Variants in ABL2 observed in about 807,000 individuals in gnomAD.
ABL2 encodes tyrosine-protein kinase ABL2.
A neutral mutation model predicts 107.7 loss-of-function variants in ABL2; 49 were observed. The ratio of observed to expected loss-of-function variants is 0.45; its 90% CI spans 0.36 to 0.58. ABL2 has a LOEUF of 0.58. Ranked by LOEUF, ABL2 falls within the 20% of genes least tolerant of loss-of-function variation. The pLI is 0.00. For synonymous variants in ABL2, 549 were observed against 548.6 expected (o/e 1.00, Z -0.01); for missense variants, 1,245 against 1,457.0 (o/e 0.85, Z 2.37).
intron 1 of ABL2, among the ~76,000 whole-genome samples, chr1:179,186,383 T>C (rs1162270173): frequency 6.6e-6 from 1 of 152,128 alleles, no homozygotes; most frequent in African/African-American, 2.4e-5. Context: ...TTTTTTGTTG[T>C]TGTTGTTGTT....
At chr1:179,114,243 G>A (rs1452900118) in intron 9 of ABL2, among the ~76,000 whole-genome samples, 2 of 150,966 alleles carry the variant, frequency 1.3e-5, no homozygotes, top group East Asian at 1.9e-4. Context: ...GTGAGAGTCC[G>A]TCTCAAAAAA....
At chr1:179,190,924 T>A (rs925619951) in intron 1 of ABL2, among the ~76,000 whole-genome samples, 1 of 152,122 alleles carries the variant, frequency 6.6e-6, no homozygotes, top group African/African-American at 2.4e-5. Flanking sequence ...GTCCATTATA[T>A]CCAGAATTTA....
chr1:179,175,845 TTC>T (rs1255053256), intron 1 of ABL2, among the ~76,000 whole-genome samples: 42 of 119,424 alleles, frequency 3.5e-4, no homozygotes, highest in Admixed American at 7.3e-4. Context: ...AGACACATTC[TTC>T]TTTTTTTTTT....
intron 1 of ABL2, among the ~76,000 whole-genome samples, chr1:179,169,153 A>G (rs1390427318): frequency 6.6e-6 from 1 of 152,164 alleles, no homozygotes; most frequent in Non-Finnish European, 1.5e-5. Context: ...GAAATGAAAT[A>G]TCAGTGTAAC....
chr1:179,110,458 G>A lies in ABL2; in HGVS notation c.1652-3C>T, dbSNP rs1286523388. 3 of 1,603,398 alleles carry A rather than the reference G, an allele frequency of 1.9e-6. No homozygotes were observed. Among genetic ancestry groups the A allele is most frequent in the Non-Finnish European group, 2.5e-6 (3 of 1,177,374 alleles). On this transcript the variant is annotated splice_polypyrimidine_tract_variant and splice_region_variant and intron_variant, in intron 10 of 11. Coordinates refer to ENST00000502732, the MANE Select transcript of ABL2 (RefSeq NM_007314.4). The stretch of plus-strand genomic sequence containing the variant: ...TCTCCCAAGCTCCTCAGCTACCTCT[G>A]TGAGGAAGACAAGGGGACCAATAAA...
At chr1:179,145,895 A>T (rs1228755395) in intron 1 of ABL2, among the ~76,000 whole-genome samples, 7 of 142,292 alleles carry the variant, frequency 4.9e-5, no homozygotes, top group East Asian at 4.1e-4. Context: ...TCTGATCTCC[A>T]TTTTTTTTTT....
At chr1:179,190,238 T>C (rs1660922170) in intron 1 of ABL2, among the ~76,000 whole-genome samples, 1 of 152,106 alleles carries the variant, frequency 6.6e-6, no homozygotes. Flanking sequence ...TTCTGATTGA[T>C]TGGCAATAAA....
chr1:179,191,218 T>C (rs1660990750), intron 1 of ABL2, among the ~76,000 whole-genome samples: 1 of 152,174 alleles, frequency 6.6e-6, no homozygotes, highest in Non-Finnish European at 1.5e-5. Flanking sequence ...ATATTCTTAC[T>C]ACATCACAAA....
chr1:179,207,347 TTATA>T (rs1662035090), intron 1 of ABL2, among the ~76,000 whole-genome samples: 1 of 152,056 alleles, frequency 6.6e-6, no homozygotes, highest in Non-Finnish European at 1.5e-5. Context: ...CAACTATACA[TTATA>T]AGTCCAGAAG....
chr1:179,174,095 C>G (rs1485286509), intron 1 of ABL2, among the ~76,000 whole-genome samples: 1 of 151,938 alleles, frequency 6.6e-6, no homozygotes, highest in Non-Finnish European at 1.5e-5. Context: ...CAAGACCATC[C>G]TCACCAACAT....
chr1:179,169,185 T>C (rs1299600261), intron 1 of ABL2, among the ~76,000 whole-genome samples: 1 of 152,062 alleles, frequency 6.6e-6, no homozygotes, highest in Non-Finnish European at 1.5e-5. Flanking sequence ...TAAACCCTTT[T>C]GCCCAAAAAT....
chr1:179,208,384 T>C (rs796744364), intron 1 of ABL2, among the ~76,000 whole-genome samples: 8 of 152,272 alleles, frequency 5.3e-5, no homozygotes, highest in African/African-American at 1.9e-4. Context: ...CTCCCACTTA[T>C]AAGTGAGAAC....
intron 1 of ABL2, among the ~76,000 whole-genome samples, chr1:179,206,438 C>CA (rs1302719200): frequency 1.4e-5 from 2 of 147,368 alleles, no homozygotes; most frequent in Admixed American, 1.4e-4. Context: ...TTTACAACAG[C>CA]AAAAAACTGA....
rs1654761998 is a variant in ABL2 at position 179,117,439 on chromosome 1, A to C, written c.1301T>G (p.Met434Arg). The C allele has an allele frequency of 6.2e-7, 1 of 1,614,080 alleles. No individual in the cohort carries two copies. The change falls in exon 8 of 12, where the codon ATG (methionine) becomes AGG (arginine). Residue 434 changes from methionine (M) to arginine (R), a missense_variant. Physicochemically the swap from Met to Arg is moderately conservative, Grantham distance 91. This residue lies in a region of ABL2 where 320 missense variants were observed against 547.0 expected (regional missense o/e 0.59). Coordinates refer to ENST00000502732, the MANE Select transcript of ABL2 (RefSeq NM_007314.4). ...ATGAGCAGTATAAGTGTCTCCAGTC[A>C]TCAATCTACTTAAGCCAAAGTCAGC... ...KVADFGLSRL[M>R]TGDTYTAHAG...
rs28914510 is a variant in ABL2, at chr1:179,133,133, A to T, written c.220+179T>A. Among the ~76,000 whole-genome samples, 12,402 of 152,296 alleles carry T rather than the reference A, an allele frequency of 0.081. 523 individuals are homozygous for T. Among genetic ancestry groups the T allele is most frequent in the Middle Eastern group, 0.11 (31 of 294 alleles). On this transcript the variant is annotated intron_variant, in intron 2 of 11. Coordinates refer to ENST00000502732, the MANE Select transcript of ABL2 (RefSeq NM_007314.4). ...TGGCCTCCCAAAGTGCTGGGATTAC[A>T]AACGTGAGCCACCACACCCAGCCAG...
chr1:179,129,369 T>G (rs1006747372), intron 3 of ABL2, among the ~76,000 whole-genome samples: 1 of 152,206 alleles, frequency 6.6e-6, no homozygotes, highest in African/African-American at 2.4e-5. Context: ...TATATTGTAG[T>G]CCAAAGAGAC....
At position 179,109,004 on chromosome 1, in the gene ABL2, G is replaced by T. The variant is rs377370937; in HGVS notation, c.2263C>A (p.Arg755Ser). ...AAGCCCAGTGTCTTTTTGATTAAGCGTGGTGTAAAGAAGCCTGTGATGCCA... is the reference window on the plus strand; with the variant it reads ...AAGCCCAGTGTCTTTTTGATTAAGCTTGGTGTAAAGAAGCCTGTGATGCCA... ...WSGITGFFTPRLIKKTLGLRA... is the reference protein window; with the variant it reads ...WSGITGFFTPSLIKKTLGLRA... The change falls in exon 12 of 12, where the codon CGC becomes AGC. Residue 755 changes from arginine (R) to serine (S), a missense_variant. By Grantham distance (110) the Arg-to-Ser change is moderately radical. Around this residue, in one of 3 missense-constraint regions of ABL2, gnomAD observed 761 missense variants for 766.4 expected, o/e 0.99. Transcript: ENST00000502732. The T allele has an allele frequency of 6.2e-7, 1 of 1,613,894 alleles. No homozygotes were observed. The highest frequency in any genetic ancestry group is 8.5e-7 in the Non-Finnish European group (1 of 1,180,030).
At chr1:179,202,609 G>C (rs1661735770) in intron 1 of ABL2, among the ~76,000 whole-genome samples, 1 of 152,198 alleles carries the variant, frequency 6.6e-6, no homozygotes, top group African/African-American at 2.4e-5. Context: ...GACTGTAAGT[G>C]AATCAGTGAT....
At chr1:179,135,464 C>T (rs1377967166) in intron 1 of ABL2, among the ~76,000 whole-genome samples, 58 of 150,992 alleles carry the variant, frequency 3.8e-4, no homozygotes, top group African/African-American at 1.1e-3. Flanking sequence ...GCAACCGCCC[C>T]GTCTGAGAAG....
Sources: gnomAD v4.1 joint callset for allele counts (sites outside exome capture counted in the v4.1 genomes callset) on GRCh38, gnomAD v4.1.1 for gene constraint, gnomAD v4.1.1 regional missense constraint, MANE v1.5 for transcripts, NCBI Gene and HGNC (gene_info 2026-07-23, HGNC 2026-07-21) for gene names.